Variants in ELL observed in about 807,000 individuals in gnomAD.
ELL encodes the protein elongation factor for RNA polymerase II.
A neutral mutation model predicts 64.0 loss-of-function variants in ELL; 18 were observed. That is an observed-to-expected ratio of 0.28 (90% confidence interval 0.19 to 0.42). ELL has a LOEUF of 0.42. ELL is among the 10% of genes least tolerant of loss of function. The pLI, the probability that ELL is intolerant of heterozygous loss-of-function variation, is 1.00. For missense variants in ELL, 797 were observed against 870.4 expected, an observed-to-expected ratio of 0.92 and a Z score of 1.06; for synonymous variants, 399 against 376.2, an observed-to-expected ratio of 1.06 and a Z score of -0.70.
intron 4 of ELL, among the ~76,000 whole-genome samples, chr19:18,464,022 G>A (rs1974887991): frequency 6.6e-6 from 1 of 151,020 alleles, no homozygotes; most frequent in South Asian, 2.1e-4. Flanking sequence ...AAAGTGGTGT[G>A]CTAAGATACA....
chr19:18,509,060 T>C (rs1029039344), intron 1 of ELL, among the ~76,000 whole-genome samples: 3 of 152,056 alleles, frequency 2.0e-5, no homozygotes, highest in Non-Finnish European at 2.9e-5. Context: ...ACTAATTCCA[T>C]GGGGAAATGG....
At chr19:18,456,516 A>G (rs1974678343) in intron 6 of ELL, among the ~76,000 whole-genome samples, 2 of 152,138 alleles carry the variant, frequency 1.3e-5, no homozygotes, top group South Asian at 2.1e-4. Flanking sequence ...GAGGAGCAGG[A>G]AGGAGGAGTA....
At chr19:18,461,952 T>C in intron 4 of ELL, 100 bp from the exon 5 acceptor site, 1 of 1,446,304 alleles carries the variant, frequency 6.9e-7, no homozygotes, top group Non-Finnish European at 9.4e-7. Context: ...CTATAGACAG[T>C]GCTGGTGGGA....
intron 1 of ELL, among the ~76,000 whole-genome samples, chr19:18,480,351 G>A (rs1451027168): frequency 2.6e-5 from 4 of 152,234 alleles, no homozygotes; most frequent in African/African-American, 9.6e-5. Flanking sequence ...GGCTGTCTCC[G>A]TGAACTACAA....
intron 1 of ELL, among the ~76,000 whole-genome samples, chr19:18,510,711 C>A (rs766584314): frequency 1.3e-5 from 2 of 152,182 alleles, no homozygotes; most frequent in Non-Finnish European, 2.9e-5. Context: ...CAAAAAATAA[C>A]CAGTTCGGGC....
intron 6 of ELL, 113 bp from the exon 7 acceptor site, chr19:18,451,761 T>A (rs929163444): frequency 2.9e-5 from 24 of 829,296 alleles, no homozygotes; most frequent in Non-Finnish European, 3.7e-5. Context: ...ACCCCCCTCC[T>A]CCCAAATCCA....
At chr19:18,452,979 T>A (rs1322356533) in intron 6 of ELL, among the ~76,000 whole-genome samples, 1 of 152,106 alleles carries the variant, frequency 6.6e-6, no homozygotes, top group Non-Finnish European at 1.5e-5. Context: ...CGTTAAAAAA[T>A]AAATCAACAG....
chr19:18,462,822 A>G (rs1184804108), intron 4 of ELL, among the ~76,000 whole-genome samples: 1 of 152,128 alleles, frequency 6.6e-6, no homozygotes, highest in Non-Finnish European at 1.5e-5. Flanking sequence ...TAAAGTCAGT[A>G]AAGATGTCGG....
intron 1 of ELL, among the ~76,000 whole-genome samples, chr19:18,482,963 A>T (rs1400599576): frequency 4.0e-5 from 6 of 151,678 alleles, no homozygotes; most frequent in African/African-American, 1.5e-4. Flanking sequence ...ACTCTTTTGT[A>T]GAGGTGGGGG....
chr19:18,479,766 A>C (rs1054704759), intron 1 of ELL, among the ~76,000 whole-genome samples: 1 of 152,036 alleles, frequency 6.6e-6, no homozygotes, highest in Non-Finnish European at 1.5e-5. Flanking sequence ...GCAAAGACAG[A>C]AACTAGGGAG....
At chr19:18,516,926 G>A (rs913156345) in intron 1 of ELL, among the ~76,000 whole-genome samples, 9 of 152,234 alleles carry the variant, frequency 5.9e-5, no homozygotes, top group African/African-American at 1.9e-4. Context: ...TTCAAATGGA[G>A]AGAGGCTCTA....
chr19:18,510,117 C>T (rs1046389669), intron 1 of ELL, among the ~76,000 whole-genome samples: 1 of 152,204 alleles, frequency 6.6e-6, no homozygotes, highest in African/African-American at 2.4e-5. Context: ...CCTGTAATCC[C>T]AGCACTTTGG....
Position 18,443,208 on chromosome 19 carries a change from G to A in ELL, c.*1544C>T. On this transcript the variant is annotated 3_prime_UTR_variant, in exon 12 of 12. Coordinates refer to ENST00000262809, the MANE Select transcript of ELL (RefSeq NM_006532.4). The stretch of plus-strand genomic sequence containing the variant: ...CTCGGCCCTTCCCCGGCCCGGCCCG[G>A]CCCAAAGAGAAAAACAACAACAGCT... The A allele has an allele frequency of 4.3e-6, 1 of 231,932 alleles. No individual in the cohort carries two copies. Among genetic ancestry groups the A allele is most frequent in the East Asian group, 6.1e-5 (1 of 16,412 alleles). 14.4% of individuals were successfully genotyped at this position (231,932 alleles called of 1,614,324 possible).
intron 1 of ELL, among the ~76,000 whole-genome samples, chr19:18,479,688 G>C (rs917427488): frequency 2.3e-5 from 3 of 130,626 alleles, no homozygotes; most frequent in African/African-American, 9.3e-5. Flanking sequence ...CAGCCTGCAC[G>C]ACAGAGTGAG....
intron 6 of ELL, among the ~76,000 whole-genome samples, chr19:18,452,927 A>G (rs1974569279): frequency 6.6e-6 from 1 of 152,264 alleles, no homozygotes; most frequent in Non-Finnish European, 1.5e-5. Context: ...ACAGAGGAAC[A>G]CGAAAATACA....
intron 1 of ELL, among the ~76,000 whole-genome samples, chr19:18,509,203 G>A (rs983128762): frequency 6.6e-6 from 1 of 152,032 alleles, no homozygotes; most frequent in Non-Finnish European, 1.5e-5. Context: ...TGTGAACCAG[G>A]CGCCCTGATG....
intron 2 of ELL, among the ~76,000 whole-genome samples, chr19:18,470,568 G>C (rs531722225): frequency 1.8e-4 from 28 of 152,372 alleles, no homozygotes; most frequent in African/African-American, 6.7e-4. Context: ...GGGGCTGATG[G>C]AAGTGTGGGG....
intron 1 of ELL, among the ~76,000 whole-genome samples, chr19:18,480,040 G>T (rs1240173790): frequency 6.6e-6 from 1 of 152,196 alleles, no homozygotes; most frequent in East Asian, 1.9e-4. Context: ...ATGACAGAAA[G>T]GAATGCATCT....
At chr19:18,515,109 C>T (rs533545583) in intron 1 of ELL, among the ~76,000 whole-genome samples, 9 of 152,346 alleles carry the variant, frequency 5.9e-5, no homozygotes, top group Non-Finnish European at 1.2e-4. Context: ...ATCACAGCCA[C>T]GGCAACCAGC....
Sources: gnomAD v4.1 joint callset for allele counts (sites outside exome capture counted in the v4.1 genomes callset) on GRCh38, gnomAD v4.1.1 for gene constraint, MANE v1.5 for transcripts, NCBI Gene and HGNC (gene_info 2026-07-23, HGNC 2026-07-21) for gene names.